Variants in TYW1 observed in about 807,000 individuals in gnomAD.
TYW1 encodes tRNA-yW synthesizing protein 1 homolog.
In TYW1, 46 loss-of-function variants were observed where a neutral mutation model predicts 96.2. That is an observed-to-expected ratio of 0.48 (90% CI 0.38 to 0.61). The LOEUF is 0.61. TYW1 is among the 20% of genes least tolerant of loss of function. The pLI, the probability that TYW1 is intolerant of heterozygous loss-of-function variation, is 0.00. For missense variants in TYW1, 684 were observed against 909.6 expected (o/e 0.75, Z 3.19); for synonymous variants, 274 against 323.0 (o/e 0.85, Z 1.63).
At chr7:67,225,492 G>A (rs946041348) in intron 15 of TYW1, among the ~76,000 whole-genome samples, 5 of 152,082 alleles carry the variant, frequency 3.3e-5, no homozygotes, top group Non-Finnish European at 5.9e-5. Flanking sequence ...AATAAAACTT[G>A]TAGTCTGTGA....
intron 15 of TYW1, among the ~76,000 whole-genome samples, chr7:67,226,889 A>G (rs1167174904): frequency 6.6e-6 from 1 of 152,158 alleles, no homozygotes; most frequent in Non-Finnish European, 1.5e-5. Flanking sequence ...AAGGTCCGGT[A>G]GCCTCTCTTC....
intron 3 of TYW1, among the ~76,000 whole-genome samples, chr7:67,000,802 T>A (rs1793356736): frequency 6.6e-6 from 1 of 152,156 alleles, no homozygotes; most frequent in Non-Finnish European, 1.5e-5. Flanking sequence ...GAAAATAAAT[T>A]AGAGGAAAAA....
intron 9 of TYW1, among the ~76,000 whole-genome samples, chr7:67,061,473 C>T (rs1419225812): frequency 6.6e-6 from 1 of 152,160 alleles, no homozygotes; most frequent in Non-Finnish European, 1.5e-5. Flanking sequence ...TTAAAAACCT[C>T]CTGAGCTAGG....
chr7:67,178,651 A>G (rs146025729), intron 13 of TYW1, among the ~76,000 whole-genome samples: 42,460 of 151,648 alleles, frequency 0.28, 6,462 homozygotes, highest in African/African-American at 0.4. Flanking sequence ...AATTTTATAA[A>G]CACAGTGTTG....
chr7:66,997,769 C>T (rs1222013792), intron 1 of TYW1, among the ~76,000 whole-genome samples: 5 of 152,028 alleles, frequency 3.3e-5, no homozygotes, highest in Middle Eastern at 3.2e-3. Flanking sequence ...GCTGGGATTA[C>T]AGGTGCGCGC....
rs1393310708 is a variant in TYW1, at chr7:67,166,316, A to AATATTATATAT, written c.1699-16806_1699-16805insTATATATATAT. Among the ~76,000 whole-genome samples, 27 of 143,146 alleles carry AATATTATATAT rather than the reference A, an allele frequency of 1.9e-4. 1 individual carries two copies. The highest frequency in any genetic ancestry group is 2.7e-4 in the Non-Finnish European group (18 of 65,792). The allele number at this position is 143,146 out of a possible 152,430, so 93.9% of individuals were successfully genotyped here. A position where few individuals can be genotyped will look rare whatever the true frequency, so the allele number is the denominator to read the frequency against. ...CCTCCTCCCAGTACTTTTTATATAT[A>AATATTATATAT]ATATATAACATATATAATATATATA... On this transcript the variant is annotated intron_variant, in intron 13 of 15. Coordinates refer to ENST00000359626, the MANE Select transcript of TYW1 (RefSeq NM_018264.4).
chr7:67,171,206 T>C (rs1563053756), intron 13 of TYW1, among the ~76,000 whole-genome samples: 1 of 152,158 alleles, frequency 6.6e-6, no homozygotes, highest in Non-Finnish European at 1.5e-5. Context: ...TATTTTCTTA[T>C]AATTCCTTTT....
At chr7:67,018,310 G>C (rs1381586306) in intron 6 of TYW1, among the ~76,000 whole-genome samples, 167 bp downstream of exon 6, 2 of 152,202 alleles carry the variant, frequency 1.3e-5, no homozygotes, top group East Asian at 3.9e-4. Flanking sequence ...AGACCAAGGT[G>C]GGGGTATTGC....
At chr7:67,080,204 A>G (rs1425288321) in intron 10 of TYW1, among the ~76,000 whole-genome samples, 2 of 152,140 alleles carry the variant, frequency 1.3e-5, no homozygotes, top group East Asian at 1.9e-4. Context: ...AGTAGAGTCT[A>G]TCTTTCCCAT....
intron 4 of TYW1, among the ~76,000 whole-genome samples, chr7:67,013,837 G>A (rs996046265): frequency 5.0e-5 from 7 of 140,522 alleles, no homozygotes; most frequent in Middle Eastern, 3.9e-3. Flanking sequence ...TCTGCCTCCT[G>A]GATTCATGCC....
intron 10 of TYW1, among the ~76,000 whole-genome samples, chr7:67,076,566 C>G (rs1796214148): frequency 6.6e-6 from 1 of 151,930 alleles, no homozygotes; most frequent in African/African-American, 2.4e-5. Flanking sequence ...ATCTCTGCCT[C>G]CCAGGTTCAA....
chr7:67,137,928 A>G (rs1216974433), intron 13 of TYW1, among the ~76,000 whole-genome samples: 1 of 152,166 alleles, frequency 6.6e-6, no homozygotes. Flanking sequence ...CTCTCACACC[A>G]TGCACCTCTT....
Position 67,084,107 on chromosome 7 carries a change from G to C in TYW1, c.1384+568G>C, listed in dbSNP as rs55634624. Among the ~76,000 whole-genome samples, 833 of 152,324 alleles carry C rather than the reference G, an allele frequency of 5.5e-3. 6 individuals are homozygous for C. The highest frequency in any genetic ancestry group is 0.012 in the Admixed American group (183 of 15,304). On this transcript the variant is annotated intron_variant, in intron 11 of 15. Coordinates refer to ENST00000359626, the MANE Select transcript of TYW1 (RefSeq NM_018264.4). ...CATTCAGCCTGAAAGCTTTACCTGG[G>C]AATGTACCATCAATCTTCCTAGAAA...
At position 67,117,622 on chromosome 7, in the gene TYW1, A is replaced by G. The variant is rs1313152789; in HGVS notation, c.1698+4A>G. ...TTTAAAAGCCTTGGCAGTCAAGGTA[A>G]GAATTATGACATCTTAAAAATAAAT... On this transcript the variant is annotated splice_donor_region_variant and intron_variant, in intron 13 of 15. Coordinates refer to ENST00000359626, the MANE Select transcript of TYW1 (RefSeq NM_018264.4). The G allele has an allele frequency of 4.4e-6, 7 of 1,607,328 alleles. No homozygotes were observed. The highest frequency in any genetic ancestry group is 1.3e-5 in the African/African-American group (1 of 74,258).
chr7:67,161,898 T>G (rs1404386529), intron 13 of TYW1, among the ~76,000 whole-genome samples: 3 of 152,098 alleles, frequency 2.0e-5, no homozygotes, highest in Non-Finnish European at 4.4e-5. Context: ...GGAGGAAACT[T>G]TATAGGCTTA....
chr7:67,180,386 T>TATATATATATATATATA, intron 13 of TYW1, among the ~76,000 whole-genome samples: 1 of 111,588 alleles, frequency 9.0e-6, no homozygotes, highest in East Asian at 2.3e-4. Context: ...AGCTGTTGGT[T>TATATATATATATATATA]TATATATATA....
At chr7:67,223,532 AAG>A (rs1490558250) in intron 15 of TYW1, among the ~76,000 whole-genome samples, 1 of 151,588 alleles carries the variant, frequency 6.6e-6, no homozygotes, top group Non-Finnish European at 1.5e-5. Context: ...AAAGGTGGGA[AAG>A]AGAAAAGTGA....
chr7:67,070,632 G>A (rs1476618954), intron 10 of TYW1, among the ~76,000 whole-genome samples: 1 of 152,010 alleles, frequency 6.6e-6, no homozygotes, highest in African/African-American at 2.4e-5. Flanking sequence ...TTCTGGATTT[G>A]TTTAGACATT....
At chr7:66,999,233 G>T (rs1418413053) in intron 3 of TYW1, among the ~76,000 whole-genome samples, 1 of 152,204 alleles carries the variant, frequency 6.6e-6, no homozygotes, top group East Asian at 1.9e-4. Flanking sequence ...GCCTCAGCAG[G>T]CTAGAGAAAG....
Sources: gnomAD v4.1 joint callset for allele counts (sites outside exome capture counted in the v4.1 genomes callset) on GRCh38, gnomAD v4.1.1 for gene constraint, MANE v1.5 for transcripts, NCBI Gene and HGNC (gene_info 2026-07-23, HGNC 2026-07-21) for gene names.